Variants in ZEB1 observed in about 807,000 individuals in gnomAD.
The protein encoded by ZEB1 is zinc finger E-box binding homeobox 1.
Under a neutral mutation model 84.9 loss-of-function variants are expected in ZEB1, and 21 were observed. That is an observed-to-expected ratio of 0.25 (90% CI 0.18 to 0.36). ZEB1 has a LOEUF of 0.36. ZEB1 is among the 10% of genes least tolerant of loss of function. The pLI is 1.00. For synonymous variants in ZEB1, 420 were observed against 471.1 expected (o/e 0.89, Z 1.41); for missense variants, 1,104 against 1,330.2 (o/e 0.83, Z 2.65).
intron 5 of ZEB1, among the ~76,000 whole-genome samples, chr10:31,512,603 A>G (rs1214492428): frequency 6.6e-6 from 1 of 152,194 alleles, no homozygotes; most frequent in Admixed American, 6.5e-5. Flanking sequence ...TTCAACAAAC[A>G]TTTGTGTTTC....
chr10:31,362,785 C>T, intron 1 of ZEB1: 1 of 702,076 alleles, frequency 1.4e-6, no homozygotes, highest in Non-Finnish European at 2.5e-6. Context: ...GCCTGGGCCT[C>T]CCAAAGTGCT....
At position 31,373,289 on chromosome 10, in the gene ZEB1, G is replaced by A. The variant is rs2046032163; in HGVS notation, c.58+53997G>A. The A allele has an allele frequency of 1.4e-5, 13 of 934,056 alleles. No individual in the cohort carries two copies. The South Asian group carries it at 4.5e-4, about 32-fold the overall frequency. The allele number at this position is 934,056 out of a possible 1,614,324, so 57.9% of individuals were successfully genotyped here. ...TAAAATCTAGGACATAATGACAAGT[G>A]TTTGAATTTTATATGTCTGTCACTT... On this transcript the variant is annotated intron_variant, in intron 1 of 8. Transcript: ENST00000424869.
At chr10:31,331,710 A>C (rs986681122) in intron 1 of ZEB1, among the ~76,000 whole-genome samples, 2 of 152,196 alleles carry the variant, frequency 1.3e-5, no homozygotes, top group Admixed American at 1.3e-4. Flanking sequence ...AAAATATCCT[A>C]GTGGAAAATA....
chr10:31,416,862 A>G (rs1160934006), intron 1 of ZEB1, among the ~76,000 whole-genome samples: 1 of 152,134 alleles, frequency 6.6e-6, no homozygotes. Context: ...CATTGCTCTG[A>G]TTAATGAAAT....
chr10:31,442,241 A>T (rs1008618225), intron 1 of ZEB1, among the ~76,000 whole-genome samples: 18 of 152,188 alleles, frequency 1.2e-4, no homozygotes, highest in African/African-American at 4.3e-4. Context: ...AGAAATGATG[A>T]GTTCATGTCC....
chr10:31,399,358 T>A (rs1482173665), intron 1 of ZEB1, among the ~76,000 whole-genome samples: 5 of 151,970 alleles, frequency 3.3e-5, no homozygotes, highest in South Asian at 2.1e-4. Context: ...CACCAAAACC[T>A]CCTCCGGCAG....
intron 1 of ZEB1, among the ~76,000 whole-genome samples, chr10:31,430,535 G>A (rs530444775): frequency 6.6e-6 from 1 of 152,138 alleles, no homozygotes; most frequent in East Asian, 1.9e-4. Flanking sequence ...TAGTAATATG[G>A]CCTTTATCTA....
intron 6 of ZEB1, among the ~76,000 whole-genome samples, chr10:31,517,181 A>G (rs1412271994): frequency 1.3e-5 from 2 of 152,058 alleles, no homozygotes; most frequent in African/African-American, 4.8e-5. Flanking sequence ...TTCTTTTCAC[A>G]TGACTTTTGA....
chr10:31,319,486 C>A (rs2033113310), intron 1 of ZEB1, 194 bp downstream of exon 1: 2 of 616,332 alleles, frequency 3.2e-6, no homozygotes, highest in South Asian at 1.9e-5. Context: ...CGCGGCCGCT[C>A]GCTCTCCCTG....
rs1445184652 is a variant in ZEB1, at chr10:31,408,277, C to T, written c.59-52760C>T. Reference sequence around the variant, plus strand: ...AACAAATGGAAGAACATTCCATGCTCATGGCTAGGAAGAATCAATATCGTG... The same window carrying T: ...AACAAATGGAAGAACATTCCATGCTTATGGCTAGGAAGAATCAATATCGTG... On this transcript the variant is annotated intron_variant, in intron 1 of 8. Coordinates refer to ENST00000424869, the MANE Select transcript of ZEB1 (RefSeq NM_001174096.2). 6.6e-4 allele frequency among the ~76,000 whole-genome samples: 99 copies of T among 150,732 alleles called. 2 individuals are homozygous for T. Among genetic ancestry groups the T allele is most frequent in the African/African-American group, 2.3e-3 (96 of 41,228 alleles).
At chr10:31,375,003 T>G (rs914032371) in intron 1 of ZEB1, 1 of 149,400 alleles carries the variant, frequency 6.7e-6, no homozygotes, top group African/African-American at 2.5e-5. Flanking sequence ...CTTTATATCT[T>G]TTTATCTTTT....
intron 4 of ZEB1, among the ~76,000 whole-genome samples, chr10:31,506,868 C>T (rs4285779): frequency 0.22 from 33,212 of 151,930 alleles, 4,617 homozygotes; most frequent in East Asian, 0.42. Flanking sequence ...TGATAGTTTT[C>T]TATAGTGGTA....
intron 1 of ZEB1, among the ~76,000 whole-genome samples, chr10:31,399,484 A>G (rs561005759): frequency 2.6e-5 from 4 of 152,090 alleles, no homozygotes; most frequent in African/African-American, 4.8e-5. Context: ...TGTTACCAAA[A>G]TATTATCTTG....
intron 1 of ZEB1, among the ~76,000 whole-genome samples, chr10:31,345,087 G>T (rs1261913626): frequency 1.3e-5 from 2 of 152,110 alleles, no homozygotes; most frequent in East Asian, 3.8e-4. Flanking sequence ...TTACAATTTG[G>T]GAGAGGCAGA....
At chr10:31,443,498 G>T (rs1228387686) in intron 1 of ZEB1, among the ~76,000 whole-genome samples, 1 of 150,094 alleles carries the variant, frequency 6.7e-6, no homozygotes, top group East Asian at 2.0e-4. Context: ...TGCCATGCTG[G>T]TGCGCTGCAC....
intron 1 of ZEB1, among the ~76,000 whole-genome samples, chr10:31,384,471 GT>G (rs935036012): frequency 5.9e-5 from 9 of 152,170 alleles, no homozygotes; most frequent in African/African-American, 2.2e-4. Flanking sequence ...TGCCTGGAGA[GT>G]TTTATGCAAA....
At chr10:31,411,977 C>T (rs1231004857) in intron 1 of ZEB1, among the ~76,000 whole-genome samples, 2 of 152,070 alleles carry the variant, frequency 1.3e-5, no homozygotes, top group Non-Finnish European at 2.9e-5. Flanking sequence ...AATTCCATTT[C>T]ACGATCTCAA....
intron 1 of ZEB1, among the ~76,000 whole-genome samples, chr10:31,389,063 T>A (rs561882288): frequency 1.3e-5 from 2 of 152,266 alleles, no homozygotes; most frequent in East Asian, 3.9e-4. Context: ...ATCCTAGAAC[T>A]CGTGTTCTAA....
Position 31,458,995 on chromosome 10 carries a change from A to T in ZEB1, c.59-2042A>T, listed in dbSNP as rs376005947. Among the ~76,000 whole-genome samples, 81 of 152,260 alleles carry T rather than the reference A, an allele frequency of 5.3e-4. 1 individual carries two copies. In the South Asian group the frequency reaches 0.016, roughly 31 times the overall value. On this transcript the variant is annotated intron_variant, in intron 1 of 8. Coordinates refer to ENST00000424869, the MANE Select transcript of ZEB1 (RefSeq NM_001174096.2). ...TGCATTTAATATACTTAACCTATCA[A>T]ACATCATAGCTGAGCTTAGCCTGCC...
Sources: allele counts gnomAD v4.1 joint callset (sites outside exome capture counted in the v4.1 genomes callset), GRCh38; gene constraint gnomAD v4.1.1; transcripts MANE v1.5; gene names NCBI Gene and HGNC (gene_info 2026-07-23, HGNC 2026-07-21).